Variants in KPNA6 observed in about 807,000 individuals in gnomAD.
The protein encoded by KPNA6 is importin subunit alpha-7.
In KPNA6, 9 loss-of-function variants were observed where a neutral mutation model predicts 72.0. The ratio of observed to expected loss-of-function variants is 0.13; its 90% CI spans 0.08 to 0.22. KPNA6 has a LOEUF of 0.22. Ranked by LOEUF, KPNA6 falls within the 10% of genes least tolerant of loss-of-function variation. KPNA6 has a pLI of 1.00. For missense variants in KPNA6, 374 were observed against 655.7 expected, an observed-to-expected ratio of 0.57 and a Z score of 4.69; for synonymous variants, 219 against 242.1, an observed-to-expected ratio of 0.90 and a Z score of 0.89.
chr1:32,173,172 TTA>T lies in KPNA6; in HGVS notation c.*2279_*2280del. The stretch of plus-strand genomic sequence containing the variant: ...CATTAAAAAACCATTCTCTTACAGT[TTA>T]AAAAAAAAAAAAAAAAAAAAGCCTT... On this transcript the variant is annotated 3_prime_UTR_variant, in exon 14 of 14. Coordinates refer to ENST00000373625, the MANE Select transcript of KPNA6 (RefSeq NM_012316.5). 3 of 349,776 alleles carry T rather than the reference TTA, an allele frequency of 8.6e-6. No homozygotes were observed. The highest frequency in any genetic ancestry group is 3.3e-5 in the African/African-American group (1 of 29,974). The allele number at this position is 349,776 out of a possible 1,614,324, so 21.7% of individuals were successfully genotyped here.
At chr1:32,147,453 C>T (rs567479056) in intron 1 of KPNA6, among the ~76,000 whole-genome samples, 3 of 151,776 alleles carry the variant, frequency 2.0e-5, no homozygotes, top group Non-Finnish European at 2.9e-5. Context: ...CGCCACCATG[C>T]CCAACTAAAT....
At chr1:32,110,450 C>G (rs1267151706) in intron 1 of KPNA6, among the ~76,000 whole-genome samples, 2 of 152,166 alleles carry the variant, frequency 1.3e-5, no homozygotes, top group Non-Finnish European at 2.9e-5. Context: ...AGAATCAGAT[C>G]TGGTATTGGA....
At chr1:32,124,097 C>CA (rs2124528924) in intron 1 of KPNA6, among the ~76,000 whole-genome samples, 1 of 149,334 alleles carries the variant, frequency 6.7e-6, no homozygotes. Context: ...ATTTTTAACC[C>CA]AAAATTTTTA....
Position 32,173,748 on chromosome 1 carries a change from AG to A in KPNA6, c.*2856del, listed in dbSNP as rs1170776887. ...TCCATACCCTGGCCTAGGCGAGGTA[AG>A]GCTCTCTGGTTATTGCCAGGATGGA... is the stretch of plus-strand genomic sequence containing the variant. On this transcript the variant is annotated 3_prime_UTR_variant, in exon 14 of 14. Coordinates refer to ENST00000373625, the MANE Select transcript of KPNA6 (RefSeq NM_012316.5). 1 of 152,210 alleles carries A rather than the reference AG, an allele frequency of 6.6e-6. No homozygotes were observed. Among genetic ancestry groups the A allele is most frequent in the Non-Finnish European group, 1.5e-5 (1 of 68,060 alleles). 9.4% of individuals were successfully genotyped at this position (152,210 alleles called of 1,614,324 possible).
chr1:32,137,971 C>CT (rs1196172566), intron 1 of KPNA6, among the ~76,000 whole-genome samples: 1 of 151,834 alleles, frequency 6.6e-6, no homozygotes, highest in Non-Finnish European at 1.5e-5. Context: ...CCCATCTCTA[C>CT]TAAAAATACA....
In KPNA6 at chr1:32,154,156, A is replaced by T. The variant is rs147746991; in HGVS notation, c.5-432A>T. On this transcript the variant is annotated intron_variant, in intron 1 of 13. Transcript: ENST00000373625. ...AGTGAGACCCTGTCTCAAAAAAAAA[A>T]AACAGCATTTCTCAAAGTATGGTCT... Among the ~76,000 whole-genome samples the T allele has an allele frequency of 6.8e-3, 1,042 of 152,204 alleles. 10 individuals carry two copies. The highest frequency in any genetic ancestry group is 0.023 in the African/African-American group (948 of 41,538).
chr1:32,141,168 G>A (rs1409311125), intron 1 of KPNA6, among the ~76,000 whole-genome samples: 1 of 151,978 alleles, frequency 6.6e-6, no homozygotes, highest in Non-Finnish European at 1.5e-5. Flanking sequence ...CTGTGAAGGT[G>A]AGTTCCTATG....
intron 1 of KPNA6, among the ~76,000 whole-genome samples, chr1:32,108,692 A>G (rs1641191077): frequency 6.6e-6 from 1 of 152,242 alleles, no homozygotes; most frequent in South Asian, 2.1e-4. Context: ...GGGAGAACGG[A>G]ATCAAGGCGG....
At chr1:32,127,689 C>T (rs1641558801) in intron 1 of KPNA6, among the ~76,000 whole-genome samples, 1 of 152,200 alleles carries the variant, frequency 6.6e-6, no homozygotes, top group African/African-American at 2.4e-5. Flanking sequence ...AGGCATTTTG[C>T]TGTGTGGACC....
chr1:32,122,443 G>GT (rs1281524779), intron 1 of KPNA6, among the ~76,000 whole-genome samples: 1 of 151,770 alleles, frequency 6.6e-6, no homozygotes, highest in Non-Finnish European at 1.5e-5. Flanking sequence ...TAAGTGGCCT[G>GT]TGCAAAGACG....
intron 5 of KPNA6, among the ~76,000 whole-genome samples, chr1:32,158,589 A>G (rs1047484547): frequency 1.3e-5 from 2 of 152,192 alleles, no homozygotes; most frequent in Non-Finnish European, 2.9e-5. Flanking sequence ...ATTATTGACT[A>G]TAGTCACCCT....
At position 32,149,472 on chromosome 1, in the gene KPNA6, CA is replaced by C. The variant is rs1356838861; in HGVS notation, c.5-5115del. On this transcript the variant is annotated intron_variant, in intron 1 of 13. Transcript: ENST00000373625. ...AACTCCTGGCCTCAGGCAGTCCTAT[CA>C]TCTTGGCCTCCCGAAGTATTGGGAT... 2.0e-5 allele frequency among the ~76,000 whole-genome samples: 3 copies of C among 152,114 alleles called. No homozygotes were observed. In the East Asian group the frequency reaches 5.8e-4, roughly 29 times the overall value.
intron 4 of KPNA6, among the ~76,000 whole-genome samples, chr1:32,157,968 G>T (rs1476459297): frequency 6.6e-6 from 1 of 152,188 alleles, no homozygotes; most frequent in Non-Finnish European, 1.5e-5. Flanking sequence ...AAAGGGAAAT[G>T]TGCAGACCAT....
At chr1:32,118,775 C>T (rs1641370798) in intron 1 of KPNA6, among the ~76,000 whole-genome samples, 1 of 151,692 alleles carries the variant, frequency 6.6e-6, no homozygotes, top group Non-Finnish European at 1.5e-5. Context: ...GCCTAGGTGA[C>T]AGAGCAAGAC....
chr1:32,169,176 T>G (rs1446803331), intron 12 of KPNA6, among the ~76,000 whole-genome samples: 1 of 151,926 alleles, frequency 6.6e-6, no homozygotes, highest in Non-Finnish European at 1.5e-5. Flanking sequence ...GAGACCAGCC[T>G]GGACAACATA....
intron 1 of KPNA6, among the ~76,000 whole-genome samples, chr1:32,129,604 G>A (rs911802567): frequency 2.0e-5 from 3 of 152,098 alleles, no homozygotes; most frequent in African/African-American, 7.2e-5. Flanking sequence ...CACCCAGGCT[G>A]GAGTGCAGTA....
intron 1 of KPNA6, among the ~76,000 whole-genome samples, chr1:32,109,735 C>G (rs957291525): frequency 2.0e-5 from 3 of 151,096 alleles, no homozygotes; most frequent in Non-Finnish European, 4.4e-5. Flanking sequence ...CTACCACCTT[C>G]CCGGGTTCAC....
At chr1:32,128,404 TATATATATATATATATATATATAC>T (rs1253308874) in intron 1 of KPNA6, among the ~76,000 whole-genome samples, 1 of 125,782 alleles carries the variant, frequency 8.0e-6, no homozygotes, top group Non-Finnish European at 1.7e-5. Context: ...TATATATATA[TATATATATATATATATATATATAC>T]ACACACACAC....
intron 9 of KPNA6, among the ~76,000 whole-genome samples, chr1:32,162,881 G>A (rs1260798051): frequency 2.7e-5 from 4 of 150,928 alleles, no homozygotes; most frequent in Non-Finnish European, 4.4e-5. Flanking sequence ...GAGGCGGGTG[G>A]ATCACAAGGT....
Sources: allele counts gnomAD v4.1 joint callset (sites outside exome capture counted in the v4.1 genomes callset), GRCh38; gene constraint gnomAD v4.1.1; transcripts MANE v1.5; gene names NCBI Gene and HGNC (gene_info 2026-07-23, HGNC 2026-07-21).